The following CCDC146 variants were observed in gnomAD, a reference collection of about 807,000 sequenced individuals.
CCDC146 encodes coiled-coil domain containing 146, also known as coiled-coil domain-containing protein 146.
A neutral mutation model predicts 119.3 loss-of-function variants in CCDC146; 92 were observed. That is an observed-to-expected ratio of 0.77 (90% CI 0.65 to 0.92). The LOEUF (loss-of-function observed/expected upper bound fraction) is 0.92, where lower values mean the gene tolerates loss of function less well. Ranked by LOEUF, CCDC146 falls within the 40% of genes least tolerant of loss-of-function variation. The pLI is 0.00. For synonymous variants in CCDC146, 372 were observed against 371.8 expected (o/e 1.00, Z -0.01); for missense variants, 1,000 against 1,103.0 (o/e 0.91, Z 1.32).
intron 2 of CCDC146, among the ~76,000 whole-genome samples, chr7:77,230,708 T>A (rs926038744): frequency 1.3e-5 from 2 of 152,224 alleles, no homozygotes; most frequent in African/African-American, 4.8e-5. Context: ...AATGTGAATA[T>A]CTTTTTGTTG....
In CCDC146 at chr7:77,256,464, G is replaced by A. The variant is rs1793180367; in HGVS notation, c.639G>A (p.Glu213=). 1.2e-6 allele frequency: 2 copies of A among 1,607,052 alleles called. No homozygotes were observed. Among genetic ancestry groups the A allele is most frequent in the Non-Finnish European group, 1.7e-6 (2 of 1,178,278 alleles). ...CTAAACAAAAGCAATTATTAAAAGA[G>A]CAGAAGGAACTAGAAGAATTGTTGG... The part of the protein sequence containing the change: ...LASKQKQLLK[E]QKELEELLGH... The change falls in exon 6 of 19, where the codon GAG becomes GAA. Residue 213 remains glutamate, a synonymous_variant. Coordinates refer to ENST00000285871, the MANE Select transcript of CCDC146 (RefSeq NM_020879.3).
intron 2 of CCDC146, among the ~76,000 whole-genome samples, chr7:77,232,171 T>C (rs1038804184): frequency 6.6e-6 from 1 of 152,242 alleles, no homozygotes. Flanking sequence ...CAGTCACTGA[T>C]TGGTCAGAGG....
At chr7:77,165,820 C>T (rs1791330728) in intron 1 of CCDC146, among the ~76,000 whole-genome samples, 1 of 152,088 alleles carries the variant, frequency 6.6e-6, no homozygotes, top group Non-Finnish European at 1.5e-5. Context: ...TAAAAGCAAA[C>T]ACACAGACAT....
rs560979689 is a variant in CCDC146 at position 77,201,289 on chromosome 7, C to T, written c.156+33465C>T. On this transcript the variant is annotated intron_variant, in intron 2 of 18. Transcript: ENST00000285871. ...GGGCGTGGTGGCTCACGCCTGTAAT[C>T]CCAACACATTGGGAGGCCGAGGCAT... 6.3e-4 allele frequency among the ~76,000 whole-genome samples: 96 copies of T among 152,192 alleles called. 1 individual carries two copies. Among genetic ancestry groups the T allele is most frequent in the Middle Eastern group, 3.4e-3 (1 of 294 alleles).
At chr7:77,123,608 C>T (rs1790656085) in intron 1 of CCDC146, among the ~76,000 whole-genome samples, 1 of 152,068 alleles carries the variant, frequency 6.6e-6, no homozygotes, top group Non-Finnish European at 1.5e-5. Flanking sequence ...AGCCAAGACA[C>T]CTGCAAACAC....
intron 2 of CCDC146, among the ~76,000 whole-genome samples, chr7:77,197,686 A>G (rs1424013816): frequency 1.3e-5 from 2 of 152,208 alleles, no homozygotes; most frequent in African/African-American, 2.4e-5. Context: ...AGGATTGATC[A>G]TAAATTCATA....
intron 1 of CCDC146, among the ~76,000 whole-genome samples, chr7:77,138,053 A>G (rs534719208): frequency 6.6e-6 from 1 of 152,016 alleles, no homozygotes; most frequent in African/African-American, 2.4e-5. Context: ...TGCAGACAAC[A>G]GTCTTCCTGT....
chr7:77,210,329 C>G (rs1188042965), intron 2 of CCDC146, among the ~76,000 whole-genome samples: 1 of 152,226 alleles, frequency 6.6e-6, no homozygotes, highest in Non-Finnish European at 1.5e-5. Flanking sequence ...CCACAGATCC[C>G]TAGAGCAGGG....
At chr7:77,169,885 T>C (rs1791394691) in intron 2 of CCDC146, among the ~76,000 whole-genome samples, 1 of 152,190 alleles carries the variant, frequency 6.6e-6, no homozygotes, top group Admixed American at 6.5e-5. Flanking sequence ...CTGAGCATGG[T>C]CATTGATCCT....
At chr7:77,260,719 C>T (rs938748699) in intron 8 of CCDC146, among the ~76,000 whole-genome samples, 2 of 152,158 alleles carry the variant, frequency 1.3e-5, no homozygotes, top group Admixed American at 1.3e-4. Flanking sequence ...CTCTGCCTCC[C>T]GGGTTCAAGT....
intron 15 of CCDC146, among the ~76,000 whole-genome samples, chr7:77,284,409 T>C (rs879915066): frequency 2.0e-5 from 3 of 151,918 alleles, no homozygotes; most frequent in Non-Finnish European, 4.4e-5. Context: ...ACTCCATGCT[T>C]GCCCCCACTC....
intron 6 of CCDC146, 50 bp downstream of exon 6, chr7:77,256,559 A>G (rs745367891): frequency 1.4e-6 from 2 of 1,466,852 alleles, no homozygotes; most frequent in African/African-American, 2.8e-5. Context: ...CATGGATATA[A>G]AAGTGTGTGG....
At chr7:77,134,319 A>T (rs1300330549) in intron 1 of CCDC146, among the ~76,000 whole-genome samples, 1 of 152,172 alleles carries the variant, frequency 6.6e-6, no homozygotes, top group Non-Finnish European at 1.5e-5. Flanking sequence ...TCAAATGCTA[A>T]AAAGGAGAGA....
At chr7:77,246,319 G>C (rs1016603503) in intron 4 of CCDC146, 1 of 152,234 alleles carries the variant, frequency 6.6e-6, no homozygotes, top group Non-Finnish European at 1.5e-5. Context: ...CATCCATGCT[G>C]TTTCTACTTC....
chr7:77,138,688 A>G (rs1584017519), intron 1 of CCDC146, among the ~76,000 whole-genome samples: 2 of 152,354 alleles, frequency 1.3e-5, no homozygotes, highest in East Asian at 3.9e-4. Flanking sequence ...AAACAACAAC[A>G]AAAAGATTTA....
chr7:77,130,800 T>C (rs1242960491), intron 1 of CCDC146, among the ~76,000 whole-genome samples: 1 of 150,712 alleles, frequency 6.6e-6, no homozygotes, highest in African/African-American at 2.5e-5. Context: ...GGTTTCACCG[T>C]GTTAGCCAGG....
chr7:77,154,384 T>G (rs10260400), intron 1 of CCDC146, among the ~76,000 whole-genome samples: 1 of 152,080 alleles, frequency 6.6e-6, no homozygotes, highest in Non-Finnish European at 1.5e-5. Context: ...GTATACATGT[T>G]CCATGTTGGT....
At chr7:77,289,633 A>G (rs1395218943) in intron 17 of CCDC146, among the ~76,000 whole-genome samples, 4 of 152,212 alleles carry the variant, frequency 2.6e-5, no homozygotes, top group African/African-American at 7.2e-5. Flanking sequence ...ACATAGTCGA[A>G]CACGTAAGTG....
In CCDC146 at chr7:77,228,110, T is replaced by G. The variant is rs796176695; in HGVS notation, c.157-8837T>G. 3.3e-5 allele frequency among the ~76,000 whole-genome samples: 5 copies of G among 152,232 alleles called. 1 individual carries two copies. In the South Asian group the frequency reaches 6.2e-4, roughly 19 times the overall value. ...AAATAAGATTAAAGACCAAAATGTATTAGGAGTGCTCATTGTTGTTAATGT... is the reference window on the plus strand; with the variant it reads ...AAATAAGATTAAAGACCAAAATGTAGTAGGAGTGCTCATTGTTGTTAATGT... On this transcript the variant is annotated intron_variant, in intron 2 of 18. Transcript: ENST00000285871.
Sources: gnomAD v4.1 joint callset for allele counts (sites outside exome capture counted in the v4.1 genomes callset) on GRCh38, gnomAD v4.1.1 for gene constraint, MANE v1.5 for transcripts, NCBI Gene and HGNC (gene_info 2026-07-23, HGNC 2026-07-21) for gene names.